RGS5: variants seen among roughly 807,000 people sequenced by gnomAD.
The protein encoded by RGS5 is regulator of G protein signaling 5, also known as regulator of G-protein signalling 5.
Under a neutral mutation model 18.9 loss-of-function variants are expected in RGS5, and 20 were observed. The observed-to-expected ratio is 1.06, with a 90% CI of 0.74 to 1.54. RGS5 has a LOEUF of 1.54. RGS5 is among the 40% of genes most tolerant of loss of function. The probability of loss-of-function intolerance (pLI) is 0.00; values close to 1 mark genes in which losing one functional copy is unlikely to be tolerated. For synonymous variants in RGS5, 57 were observed against 76.2 expected, an observed-to-expected ratio of 0.75 and a Z score of 1.31; for missense variants, 201 against 211.8, an observed-to-expected ratio of 0.95 and a Z score of 0.32.
chr1:163,232,627 A>G (rs1647511720), intron 2 of RGS5, among the ~76,000 whole-genome samples: 1 of 152,186 alleles, frequency 6.6e-6, no homozygotes, highest in African/African-American at 2.4e-5. Flanking sequence ...CTGTCTCTTC[A>G]ATCTGTTAAT....
At chr1:163,166,946 G>T (rs1021057117) in intron 2 of RGS5, among the ~76,000 whole-genome samples, 2 of 152,072 alleles carry the variant, frequency 1.3e-5, no homozygotes, top group Non-Finnish European at 2.9e-5. Context: ...ATGAAATGTG[G>T]TTCTTATTCT....
intron 1 of RGS5, among the ~76,000 whole-genome samples, chr1:163,214,453 A>G (rs1660173983): frequency 6.6e-6 from 1 of 152,124 alleles, no homozygotes; most frequent in Non-Finnish European, 1.5e-5. Flanking sequence ...TACTACATAT[A>G]TATACCCTTG....
chr1:163,312,567 C>T (rs1412288108), intron 1 of RGS5, among the ~76,000 whole-genome samples: 2 of 152,062 alleles, frequency 1.3e-5, no homozygotes, highest in African/African-American at 2.4e-5. Context: ...CTACTGAAAA[C>T]GACAGTGATA....
intron 2 of RGS5, among the ~76,000 whole-genome samples, chr1:163,262,888 A>G (rs1648482409): frequency 6.6e-6 from 1 of 152,164 alleles, no homozygotes; most frequent in African/African-American, 2.4e-5. Context: ...TTCTGACCCT[A>G]GGGATCTCCA....
At chr1:163,219,978 T>C (rs1647197715), upstream of RGS5, among the ~76,000 whole-genome samples, 1 of 152,164 alleles carries the variant, frequency 6.6e-6, no homozygotes, top group African/African-American at 2.4e-5. Context: ...TGGTTTCTAG[T>C]AGATACCGCC....
upstream of RGS5, among the ~76,000 whole-genome samples, chr1:163,205,693 A>T (rs1373368508): frequency 6.6e-6 from 1 of 152,166 alleles, no homozygotes; most frequent in Non-Finnish European, 1.5e-5. Flanking sequence ...TAGATATTAC[A>T]GTTCTACAGA....
Position 163,214,043 on chromosome 1 carries a change from G to A in RGS5, c.69+3483C>T, listed in dbSNP as rs186287067. 2.0e-5 allele frequency among the ~76,000 whole-genome samples: 3 copies of A among 152,136 alleles called. No homozygotes were observed. In the East Asian group the frequency reaches 5.8e-4, roughly 30 times the overall value. ...TCGATTGAACTCTACTTTCTCACCAGTCTTCAAATCCCTCTTCTATTTATT... is the reference window on the plus strand; with the variant it reads ...TCGATTGAACTCTACTTTCTCACCAATCTTCAAATCCCTCTTCTATTTATT... On this transcript the variant is annotated intron_variant, in intron 1 of 5. Transcript: ENST00000367903.
At chr1:163,159,899 A>G (rs1345985218) in intron 3 of RGS5, among the ~76,000 whole-genome samples, 2 of 152,182 alleles carry the variant, frequency 1.3e-5, no homozygotes, top group African/African-American at 2.4e-5. Flanking sequence ...ACATGTGTAT[A>G]CACACATACA....
chr1:163,182,848 C>T (rs562634940), intron 1 of RGS5, among the ~76,000 whole-genome samples: 3 of 152,218 alleles, frequency 2.0e-5, no homozygotes, highest in Non-Finnish European at 4.4e-5. Flanking sequence ...TTGAATTATA[C>T]TGCGGGACTT....
upstream of RGS5, chr1:163,202,985 C>A (rs547499790): frequency 4.4e-6 from 3 of 676,936 alleles, no homozygotes; most frequent in South Asian, 6.0e-5. Flanking sequence ...TCCAGCCAAT[C>A]CAGAGCCTTA....
rs181459252 is a variant in RGS5, at chr1:163,320,372, T to C, written c.-378+1250A>G. Among the ~76,000 whole-genome samples the C allele has an allele frequency of 7.2e-5, 11 of 152,328 alleles. No individual in the cohort carries two copies. The East Asian group carries it at 2.1e-3, about 29-fold the overall frequency. On this transcript the variant is annotated intron_variant, in intron 1 of 5. Coordinates refer to the RGS5 transcript ENST00000618415. ...TTCACTTAATCTTCATGATACCGTATAAAGCAGATAGAACTGTCACCCTAT... is the reference window on the plus strand; with the variant it reads ...TTCACTTAATCTTCATGATACCGTACAAAGCAGATAGAACTGTCACCCTAT...
intron 2 of RGS5, among the ~76,000 whole-genome samples, chr1:163,302,982 A>G (rs1649591135): frequency 6.6e-6 from 1 of 152,134 alleles, no homozygotes; most frequent in African/African-American, 2.4e-5. Context: ...GCTCCTCTAG[A>G]CTGAGTGAAG....
intron 1 of RGS5, among the ~76,000 whole-genome samples, chr1:163,215,875 G>A (rs12402178): frequency 0.029 from 4,358 of 151,258 alleles, 94 homozygotes; most frequent in East Asian, 0.056. Context: ...GAACAGCCTG[G>A]GAAACATAGT....
chr1:163,262,020 A>AT (rs34592827), intron 2 of RGS5, among the ~76,000 whole-genome samples: 1 of 152,106 alleles, frequency 6.6e-6, no homozygotes, highest in South Asian at 2.1e-4. Flanking sequence ...ATATCAGATA[A>AT]TCTACTCCAT....
chr1:163,221,223 C>A (rs1056826859), upstream of RGS5, among the ~76,000 whole-genome samples: 1 of 152,156 alleles, frequency 6.6e-6, no homozygotes, highest in South Asian at 2.1e-4. Context: ...AGAGACCGGG[C>A]GCGGTGGCTC....
chr1:163,228,378 G>A (rs180947719), intron 2 of RGS5, among the ~76,000 whole-genome samples: 17 of 152,320 alleles, frequency 1.1e-4, no homozygotes, highest in South Asian at 2.1e-4. Flanking sequence ...TGGGGCTTTC[G>A]CCCTCTGAAG....
chr1:163,312,785 G>T (rs886321495), intron 1 of RGS5, among the ~76,000 whole-genome samples: 29 of 152,184 alleles, frequency 1.9e-4, no homozygotes, highest in African/African-American at 6.8e-4. Flanking sequence ...TTTTGTACTG[G>T]TAAGTAATCT....
At chr1:163,309,498 CTT>C (rs35021957) in intron 1 of RGS5, among the ~76,000 whole-genome samples, 17 of 150,320 alleles carry the variant, frequency 1.1e-4, no homozygotes, top group African/African-American at 2.7e-4. Flanking sequence ...CTAAGGAAAC[CTT>C]TTTTTTTTTC....
At position 163,148,493 on chromosome 1, in the gene RGS5, T is replaced by C. The variant is rs141408699; in HGVS notation, c.385-990A>G. 1.6e-4 allele frequency among the ~76,000 whole-genome samples: 24 copies of C among 152,342 alleles called. No individual in the cohort carries two copies. The East Asian group carries it at 4.6e-3, about 29-fold the overall frequency. The stretch of plus-strand genomic sequence containing the variant: ...GGATGAACTCATTTAATCTTATAAC[T>C]CTATGAGGTATAATAGATGCTGTTG... On this transcript the variant is annotated intron_variant, in intron 4 of 4. Coordinates refer to ENST00000313961, the MANE Select transcript of RGS5 (RefSeq NM_003617.4).
Sources: gnomAD v4.1 joint callset for allele counts (sites outside exome capture counted in the v4.1 genomes callset) on GRCh38, gnomAD v4.1.1 for gene constraint, MANE v1.5 for transcripts, NCBI Gene and HGNC (gene_info 2026-07-23, HGNC 2026-07-21) for gene names.